AXL: variants seen among roughly 807,000 people sequenced by gnomAD.
AXL encodes the protein tyrosine-protein kinase receptor UFO.
A neutral mutation model predicts 104.5 loss-of-function variants in AXL; 52 were observed. That is an observed-to-expected ratio of 0.50 (90% CI 0.40 to 0.63). The LOEUF (loss-of-function observed/expected upper bound fraction) is 0.63. AXL is among the 20% of genes least tolerant of loss of function. The pLI is 0.00. For synonymous variants in AXL, 455 were observed against 473.7 expected (o/e 0.96, Z 0.51); for missense variants, 1,024 against 1,188.5 (o/e 0.86, Z 2.04).
At chr19:41,255,345 T>G (rs1283262792) in intron 17 of AXL, among the ~76,000 whole-genome samples, 1 of 141,910 alleles carries the variant, frequency 7.0e-6, no homozygotes, top group Non-Finnish European at 1.6e-5. Flanking sequence ...CTCTCTGTCC[T>G]TTCTTCTTTC....
intron 4 of AXL, among the ~76,000 whole-genome samples, chr19:41,229,539 A>G (rs1016664824): frequency 2.6e-5 from 4 of 152,202 alleles, no homozygotes; most frequent in Admixed American, 1.3e-4. Context: ...TGCTGGGATT[A>G]CAGTCATGAG....
chr19:41,248,788 C>G lies in AXL; in HGVS notation c.1679C>G (p.Ser560Cys), dbSNP rs1305294989. The stretch of plus-strand genomic sequence containing the variant: ...GAAGGCCAGCTCAACCAGGACGACT[C>G]CATCCTCAAGGTGGCTGTGAAGACG... ...VMEGQLNQDDSILKVAVKTMK... is the reference protein window; with the variant it reads ...VMEGQLNQDDCILKVAVKTMK... The change falls in exon 14 of 20, where the codon TCC becomes TGC. Residue 560 changes from serine (S) to cysteine (C), a missense_variant. This residue lies in a region of AXL where 523 missense variants were observed against 636.0 expected (regional missense o/e 0.82). Coordinates refer to ENST00000301178, the MANE Select transcript of AXL (RefSeq NM_021913.5). 6.2e-7 allele frequency: 1 copy of G among 1,613,692 alleles called. No homozygotes were observed. Among genetic ancestry groups the G allele is most frequent in the East Asian group, 2.2e-5 (1 of 44,876 alleles).
At position 41,252,874 on chromosome 19, in the gene AXL, G is replaced by T; in HGVS notation, c.1833G>T (p.Glu611Asp). The T allele has an allele frequency of 6.2e-7, 1 of 1,614,142 alleles. No homozygotes were observed. Among genetic ancestry groups the T allele is most frequent in the South Asian group, 1.1e-5 (1 of 91,074 alleles). ...IGVCFQGSER[E>D]SFPAPVVILP... Reference sequence around the variant, plus strand: ...TCTGTTTCCAGGGTTCTGAACGAGAGAGCTTCCCAGCACCTGTGGTCATCT... The same window carrying T: ...TCTGTTTCCAGGGTTCTGAACGAGATAGCTTCCCAGCACCTGTGGTCATCT... Residue 611 changes from glutamate to aspartate, a missense_variant, in exon 16 of 20, where the codon GAG becomes GAT. Physicochemically the swap from Glu to Asp is conservative, Grantham distance 45. Around this residue, in one of 5 missense-constraint regions of AXL, gnomAD observed 523 missense variants for 636.0 expected, o/e 0.82. Transcript: ENST00000301178.
At chr19:41,253,402 C>A (rs1275585369) in intron 16 of AXL, among the ~76,000 whole-genome samples, 197 bp from the exon 17 acceptor site, 1 of 152,108 alleles carries the variant, frequency 6.6e-6, no homozygotes, top group Non-Finnish European at 1.5e-5. Context: ...AGGGCAAGAA[C>A]ATAGGCAATC....
chr19:41,226,796 C>G (rs921739542), intron 4 of AXL: 1 of 985,508 alleles, frequency 1.0e-6, no homozygotes, highest in African/African-American at 1.7e-5. Flanking sequence ...GTCGCACTTA[C>G]AAGACTTGGT....
Position 41,248,621 on chromosome 19 carries a change from G to C in AXL, c.1633+12G>C. The C allele has an allele frequency of 6.2e-7, 1 of 1,613,658 alleles. No homozygotes were observed. The highest frequency in any genetic ancestry group is 8.5e-7 in the Non-Finnish European group (1 of 1,179,714). Reference sequence around the variant, plus strand: ...GACTCTGGGAGAGGGTGAGTCCCCCGGCAGCATACACACATCCTTCTGAAC... The same window carrying C: ...GACTCTGGGAGAGGGTGAGTCCCCCCGCAGCATACACACATCCTTCTGAAC... On this transcript the variant is annotated intron_variant, in intron 13 of 19. Coordinates refer to ENST00000301178, the MANE Select transcript of AXL (RefSeq NM_021913.5).
At position 41,248,520 on chromosome 19, in the gene AXL, G is replaced by T. The variant is rs765696449; in HGVS notation, c.1544G>T (p.Ser515Ile). ...ACCCCAACCTTGCATGCAGTGAACA[G>T]CCTGGGCATCAGTGAAGAGCTGAAG... The part of the protein sequence containing the change: ...SRRTTEATLN[S>I]LGISEELKEK... The change falls in exon 13 of 20, where the codon AGC becomes ATC. Residue 515 changes from serine (S) to isoleucine (I), a missense_variant. Around this residue, in one of 5 missense-constraint regions of AXL, gnomAD observed 523 missense variants for 636.0 expected, o/e 0.82. Coordinates refer to ENST00000301178, the MANE Select transcript of AXL (RefSeq NM_021913.5). The T allele has an allele frequency of 6.2e-7, 1 of 1,614,234 alleles. No homozygotes were observed. Among genetic ancestry groups the T allele is most frequent in the Non-Finnish European group, 8.5e-7 (1 of 1,180,040 alleles).
Position 41,252,833 on chromosome 19 carries a change from C to T in AXL, c.1805-13C>T. 1.2e-6 allele frequency: 2 copies of T among 1,613,614 alleles called. No homozygotes were observed. The highest frequency in any genetic ancestry group is 1.7e-6 in the Non-Finnish European group (2 of 1,179,952). On this transcript the variant is annotated splice_polypyrimidine_tract_variant and intron_variant, in intron 15 of 19. Coordinates refer to ENST00000301178, the MANE Select transcript of AXL (RefSeq NM_021913.5). ...TGCCCAGCAGGAGTGACAGGGCTACCTGGGGGGCTCAGGTGTCTGTTTCCA... is the reference window on the plus strand; with the variant it reads ...TGCCCAGCAGGAGTGACAGGGCTACTTGGGGGGCTCAGGTGTCTGTTTCCA...
In AXL at chr19:41,253,522, GCA is replaced by G. The variant is rs2034401275; in HGVS notation, c.1927-74_1927-73del. On this transcript the variant is annotated intron_variant, in intron 16 of 19. Transcript: ENST00000301178. Reference sequence around the variant, plus strand: ...AACCACTGCGGGCAGAGCTAGGCTTGCACAGAGGGATGGAGGGAGGAGGGATC... The same window carrying G: ...AACCACTGCGGGCAGAGCTAGGCTTGCAGAGGGATGGAGGGAGGAGGGATC... 8.2e-6 allele frequency: 9 copies of G among 1,099,400 alleles called. No individual in the cohort carries two copies. The Admixed American group carries it at 1.8e-4, about 22-fold the overall frequency. The allele number at this position is 1,099,400 out of a possible 1,614,324, so 68.1% of individuals were successfully genotyped here. A position where few individuals can be genotyped will look rare whatever the true frequency, so the allele number is the denominator to read the frequency against.
intron 6 of AXL, among the ~76,000 whole-genome samples, chr19:41,233,895 G>T (rs150900561): frequency 6.6e-6 from 1 of 152,040 alleles, no homozygotes; most frequent in Non-Finnish European, 1.5e-5. Context: ...CCCTTTCCAG[G>T]TCTCACTTCC....
rs2033740246 is a variant in AXL at position 41,219,294 on chromosome 19, A to G, written c.-99A>G. ...CGCTGTGCCAGGCAGGCAGTGCCAAATCCGGGGAGCCTGGAGCTGGGGGGA... is the reference window on the plus strand; with the variant it reads ...CGCTGTGCCAGGCAGGCAGTGCCAAGTCCGGGGAGCCTGGAGCTGGGGGGA... On this transcript the variant is annotated 5_prime_UTR_variant, in exon 1 of 20. Coordinates refer to ENST00000301178, the MANE Select transcript of AXL (RefSeq NM_021913.5). 4.0e-6 allele frequency: 5 copies of G among 1,239,924 alleles called. No homozygotes were observed. The allele number at this position is 1,239,924 out of a possible 1,614,324, so 76.8% of individuals were successfully genotyped here. A position where few individuals can be genotyped will look rare whatever the true frequency, so the allele number is the denominator to read the frequency against.
At chr19:41,220,407 G>A (rs778258233) in intron 1 of AXL, 16 of 516,372 alleles carry the variant, frequency 3.1e-5, no homozygotes, top group East Asian at 1.0e-4. Context: ...GCCAGATCCC[G>A]AGCCTCCTTC....
At chr19:41,256,898 A>G (rs2034461400) in intron 18 of AXL, among the ~76,000 whole-genome samples, 1 of 152,186 alleles carries the variant, frequency 6.6e-6, no homozygotes, top group South Asian at 2.1e-4. Context: ...GCACACTCAT[A>G]GAATGTGGAC....
chr19:41,243,708 G>A lies in AXL; in HGVS notation c.1537+1G>A. ...AGTCGTCGGACCACTGAAGCTACCTGTAAGTGAACCCTATGCCCCACTGCC... is the reference window on the plus strand; with the variant it reads ...AGTCGTCGGACCACTGAAGCTACCTATAAGTGAACCCTATGCCCCACTGCC... On this transcript the variant is annotated splice_donor_variant, in intron 12 of 19. Coordinates refer to ENST00000301178, the MANE Select transcript of AXL (RefSeq NM_021913.5). LOFTEE classifies it high-confidence loss of function. 1 of 1,612,994 alleles carries A rather than the reference G, an allele frequency of 6.2e-7. No homozygotes were observed.
chr19:41,234,134 A>C lies in AXL; in HGVS notation c.783+2836A>C, dbSNP rs538405574. ...CTGCCCCCACTCCTCCCCAGGTCTCATGGTGGTGTCATCTCCCTCCATGGG... is the reference window on the plus strand; with the variant it reads ...CTGCCCCCACTCCTCCCCAGGTCTCCTGGTGGTGTCATCTCCCTCCATGGG... On this transcript the variant is annotated intron_variant, in intron 6 of 19. Coordinates refer to ENST00000301178, the MANE Select transcript of AXL (RefSeq NM_021913.5). Among the ~76,000 whole-genome samples the C allele has an allele frequency of 4.6e-5, 7 of 152,070 alleles. No homozygotes were observed. In the East Asian group the frequency reaches 1.4e-3, roughly 29 times the overall value.
intron 5 of AXL, 43 bp downstream of exon 5, chr19:41,231,090 G>A (rs753274836): frequency 1.2e-6 from 2 of 1,612,910 alleles, no homozygotes; most frequent in Admixed American, 1.7e-5. Flanking sequence ...CAGAGGGTGG[G>A]GTTTGGGTCC....
intron 10 of AXL, 40 bp from the exon 11 acceptor site, chr19:41,242,843 A>G (rs1169512403): frequency 6.2e-7 from 1 of 1,612,190 alleles, no homozygotes; most frequent in South Asian, 1.1e-5. Context: ...AGCTGGATCC[A>G]AGGCTTCATC....
Position 41,257,583 on chromosome 19 carries a change from C to T in AXL, c.2287C>T (p.Arg763Cys), listed in dbSNP as rs746364612. The T allele has an allele frequency of 1.1e-5, 18 of 1,614,066 alleles. No homozygotes were observed. The highest frequency in any genetic ancestry group is 3.3e-4 in the Middle Eastern group (2 of 6,084). Reference protein sequence around the residue: ...VENSEIYDYLRQGNRLKQPAD... With the variant: ...VENSEIYDYLCQGNRLKQPAD... ...GAACAGCGAGATTTATGACTATCTG[C>T]GCCAGGGAAATCGCCTGAAGCAGCC... is the stretch of plus-strand genomic sequence containing the variant. Residue 763 changes from arginine to cysteine, a missense_variant, in exon 19 of 20, where the codon CGC becomes TGC. Arg to Cys is a radical substitution (Grantham distance 180, BLOSUM62 -3). Coordinates refer to ENST00000301178, the MANE Select transcript of AXL (RefSeq NM_021913.5).
Position 41,248,592 on chromosome 19 carries a change from G to A in AXL, c.1616G>A (p.Gly539Glu), listed in dbSNP as rs2122264238. ...GTGGACCGGCACAAGGTGGCCCTGGGGAAGACTCTGGGAGAGGGTGAGTCC... is the reference window on the plus strand; with the variant it reads ...GTGGACCGGCACAAGGTGGCCCTGGAGAAGACTCTGGGAGAGGGTGAGTCC... ...VMVDRHKVALGKTLGEGEFGA... is the reference protein window; with the variant it reads ...VMVDRHKVALEKTLGEGEFGA... The change falls in exon 13 of 20, where the codon GGG (glycine) becomes GAG (glutamate). Residue 539 changes from glycine (G) to glutamate (E), a missense_variant. This residue lies in a region of AXL where 523 missense variants were observed against 636.0 expected (regional missense o/e 0.82). Transcript: ENST00000301178. 6.8e-6 allele frequency: 11 copies of A among 1,614,128 alleles called. No individual in the cohort carries two copies. The highest frequency in any genetic ancestry group is 8.5e-6 in the Non-Finnish European group (10 of 1,180,016).
Sources: allele counts gnomAD v4.1 joint callset (sites outside exome capture counted in the v4.1 genomes callset), GRCh38; gene constraint gnomAD v4.1.1; regional missense constraint gnomAD v4.1.1; transcripts MANE v1.5; gene names NCBI Gene and HGNC (gene_info 2026-07-23, HGNC 2026-07-21).